Variants in CRYBG3 observed in about 807,000 individuals in gnomAD.
The protein encoded by CRYBG3 is crystallin beta-gamma domain containing 3, also known as very large A-kinase anchor protein.
In CRYBG3, 127 loss-of-function variants were observed where a neutral mutation model predicts 244.2. The ratio of observed to expected loss-of-function variants is 0.52; its 90% CI spans 0.45 to 0.60. The LOEUF (loss-of-function observed/expected upper bound fraction) is 0.60. CRYBG3 is among the 20% of genes least tolerant of loss of function. The pLI is 0.00. For missense variants in CRYBG3, 3,325 were observed against 3,442.5 expected (o/e 0.97, Z 0.85); for synonymous variants, 1,132 against 1,195.8 (o/e 0.95, Z 1.10).
At chr3:97,851,002 G>A (rs1050822222) in intron 2 of CRYBG3, among the ~76,000 whole-genome samples, 4 of 151,870 alleles carry the variant, frequency 2.6e-5, no homozygotes, top group Non-Finnish European at 4.4e-5. Flanking sequence ...CATGATGGGC[G>A]TGCGCCTGTA....
At chr3:97,887,729 C>T (rs2039525883) in intron 8 of CRYBG3, among the ~76,000 whole-genome samples, 1 of 152,094 alleles carries the variant, frequency 6.6e-6, no homozygotes. Context: ...GCACTCCAGC[C>T]TGGGCAACAA....
chr3:97,873,985 TCTC>T lies in CRYBG3; in HGVS notation c.2797_2799del (p.Pro933del), dbSNP rs1272213101. On this transcript the variant is annotated inframe_deletion, in exon 4 of 22. Transcript: ENST00000389622. ...AGAACCAGAGGTAGATGCCTTAGGC[TCTC>T]CTCCTGCTCTTCTTAAAAGTAATAT... is the stretch of plus-strand genomic sequence containing the variant. The T allele has an allele frequency of 2.6e-6, 4 of 1,534,224 alleles. No individual in the cohort carries two copies. The highest frequency in any genetic ancestry group is 3.5e-6 in the Non-Finnish European group (4 of 1,146,406).
At chr3:97,868,637 CAGAA>C (rs1553704054) in intron 3 of CRYBG3, among the ~76,000 whole-genome samples, 2 of 152,104 alleles carry the variant, frequency 1.3e-5, no homozygotes, top group Non-Finnish European at 2.9e-5. Context: ...TGAAAGTACT[CAGAA>C]AGCCCTAAAA....
At chr3:97,914,284 A>G (rs2039903738) in intron 16 of CRYBG3, among the ~76,000 whole-genome samples, 1 of 152,166 alleles carries the variant, frequency 6.6e-6, no homozygotes, top group African/African-American at 2.4e-5. Flanking sequence ...CACAGCAAGG[A>G]CCTGAAATAA....
At chr3:97,938,816 C>CA (rs2040193355) in intron 19 of CRYBG3, among the ~76,000 whole-genome samples, 1 of 151,846 alleles carries the variant, frequency 6.6e-6, no homozygotes, top group Non-Finnish European at 1.5e-5. Flanking sequence ...TTATTATTCA[C>CA]AATGTCCCTT....
At chr3:97,824,202 A>G (rs2038548882) in intron 1 of CRYBG3, among the ~76,000 whole-genome samples, 1 of 152,198 alleles carries the variant, frequency 6.6e-6, no homozygotes, top group African/African-American at 2.4e-5. Context: ...GAACCGCTTT[A>G]TAGTACTGAA....
At position 97,944,460 on chromosome 3, in the gene CRYBG3, A is replaced by G. The variant is rs904248796; in HGVS notation, c.*1146A>G. The G allele has an allele frequency of 6.6e-6, 1 of 152,408 alleles. No homozygotes were observed. 9.4% of individuals were successfully genotyped at this position (152,408 alleles called of 1,614,324 possible). On this transcript the variant is annotated 3_prime_UTR_variant, in exon 22 of 22. Transcript: ENST00000389622. ...AGAAAAATGCTCTATTTTTATAAAG[A>G]AAGATTAAATTCTCCAATGATATTT...
chr3:97,904,488 A>G (rs1203152067), intron 15 of CRYBG3, among the ~76,000 whole-genome samples: 1 of 152,070 alleles, frequency 6.6e-6, no homozygotes, highest in Non-Finnish European at 1.5e-5. Flanking sequence ...TGTATATACC[A>G]TCTGAAATAT....
chr3:97,878,268 G>A (rs929354522), intron 4 of CRYBG3, among the ~76,000 whole-genome samples: 10 of 152,094 alleles, frequency 6.6e-5, no homozygotes, highest in South Asian at 2.1e-4. Context: ...ATAATTAGCC[G>A]GGCATGGTGG....
chr3:97,845,868 C>G (rs2038893212), intron 2 of CRYBG3, among the ~76,000 whole-genome samples: 1 of 152,030 alleles, frequency 6.6e-6, no homozygotes, highest in South Asian at 2.1e-4. Flanking sequence ...GTTTCCTTTC[C>G]TTTTGGTCTG....
intron 15 of CRYBG3, among the ~76,000 whole-genome samples, chr3:97,904,024 T>C (rs550807863): frequency 3.7e-4 from 57 of 152,298 alleles, no homozygotes; most frequent in Admixed American, 1.9e-3. Flanking sequence ...TGAGTTGTTT[T>C]GTATATTTGT....
chr3:97,900,840 A>G (rs984096012), intron 15 of CRYBG3, among the ~76,000 whole-genome samples: 1 of 152,190 alleles, frequency 6.6e-6, no homozygotes, highest in Non-Finnish European at 1.5e-5. Context: ...TACCATGGAG[A>G]AGTCACGTCT....
At chr3:97,836,018 G>C (rs149776730) in intron 1 of CRYBG3, among the ~76,000 whole-genome samples, 1 of 152,072 alleles carries the variant, frequency 6.6e-6, no homozygotes, top group African/African-American at 2.4e-5. Context: ...CACCTCAGAC[G>C]TACTGAGATT....
chr3:97,895,434 G>A (rs903925129), intron 11 of CRYBG3, among the ~76,000 whole-genome samples: 8 of 152,126 alleles, frequency 5.3e-5, no homozygotes, highest in South Asian at 2.1e-4. Flanking sequence ...TAGCTCAGTC[G>A]AATTTCTTGG....
At chr3:97,938,877 A>T (rs1376177537) in intron 19 of CRYBG3, among the ~76,000 whole-genome samples, 4 of 151,872 alleles carry the variant, frequency 2.6e-5, no homozygotes, top group Admixed American at 2.6e-4. Context: ...CCTGGCACAG[A>T]GTGTGTGGTA....
chr3:97,899,718 T>C (rs62264216), intron 14 of CRYBG3, among the ~76,000 whole-genome samples: 36,710 of 152,052 alleles, frequency 0.24, 4,765 homozygotes, highest in Middle Eastern at 0.33. Flanking sequence ...TGTTGGTGAA[T>C]TGAGTGATAG....
At chr3:97,887,862 G>T (rs1198233652) in intron 8 of CRYBG3, among the ~76,000 whole-genome samples, 6 of 152,142 alleles carry the variant, frequency 3.9e-5, no homozygotes, top group African/African-American at 1.4e-4. Flanking sequence ...CTGGAAGATG[G>T]GTCTTTTGGG....
At chr3:97,933,953 T>G in intron 18 of CRYBG3, 120 bp downstream of exon 18, 1 of 716,690 alleles carries the variant, frequency 1.4e-6, no homozygotes, top group Non-Finnish European at 2.3e-6. Flanking sequence ...GAAGAGCCCT[T>G]TGGAAGAGAA....
intron 16 of CRYBG3, among the ~76,000 whole-genome samples, chr3:97,913,208 G>C (rs971493837): frequency 6.6e-6 from 1 of 152,056 alleles, no homozygotes; most frequent in South Asian, 2.1e-4. Flanking sequence ...ATTCCCAGCC[G>C]TTTTCTAGTA....
Sources: allele counts gnomAD v4.1 joint callset (sites outside exome capture counted in the v4.1 genomes callset), GRCh38; gene constraint gnomAD v4.1.1; transcripts MANE v1.5; gene names NCBI Gene and HGNC (gene_info 2026-07-23, HGNC 2026-07-21).